LUM: variants seen among roughly 807,000 people sequenced by gnomAD.
LUM encodes lumican.
Under a neutral mutation model 20.5 loss-of-function variants are expected in LUM, and 13 were observed. The observed-to-expected ratio is 0.63, with a 90% CI of 0.41 to 1.01. LUM has a LOEUF of 1.01. Among genes scored for constraint, LUM ranks in the 50% least tolerant of loss-of-function variants. The pLI is 0.00. For synonymous variants in LUM, 173 were observed against 151.5 expected, an observed-to-expected ratio of 1.14 and a Z score of -1.04; for missense variants, 321 against 391.1, an observed-to-expected ratio of 0.82 and a Z score of 1.51.
At chr12:91,105,300 C>A (rs912866221) in intron 2 of LUM, among the ~76,000 whole-genome samples, 24 of 152,138 alleles carry the variant, frequency 1.6e-4, no homozygotes, top group African/African-American at 5.5e-4. Flanking sequence ...TTAGAAATAA[C>A]ACATCTATCT....
chr12:91,104,014 C>T lies in LUM; in HGVS notation c.*151G>A. On this transcript the variant is annotated 3_prime_UTR_variant, in exon 3 of 3. Coordinates refer to ENST00000266718, the MANE Select transcript of LUM (RefSeq NM_002345.4). The stretch of plus-strand genomic sequence containing the variant: ...CTTGTGATGAAATAGGCCTGCCTTT[C>T]ATCTTTTCTTTAAAAAAAATAAATG... 1.6e-6 allele frequency: 1 copy of T among 630,368 alleles called. No individual in the cohort carries two copies. The highest frequency in any genetic ancestry group is 2.7e-6 in the Non-Finnish European group (1 of 374,962). 39.0% of individuals were successfully genotyped at this position (630,368 alleles called of 1,614,324 possible).
At chr12:91,107,698 G>T (rs1246152000) in intron 2 of LUM, among the ~76,000 whole-genome samples, 1 of 151,588 alleles carries the variant, frequency 6.6e-6, no homozygotes, top group Non-Finnish European at 1.5e-5. Flanking sequence ...TTTGTTTGAA[G>T]TAGAGGGATA....
intron 2 of LUM, among the ~76,000 whole-genome samples, chr12:91,104,945 C>A (rs1879998810): frequency 1.3e-5 from 2 of 152,156 alleles, no homozygotes; most frequent in African/African-American, 4.8e-5. Context: ...AAAGCTGCCA[C>A]AAATGAAACA....
rs1565758505 is a variant in LUM, at chr12:91,107,309, GAAA to G, written c.862+806_862+808del. 2.8e-3 allele frequency among the ~76,000 whole-genome samples: 320 copies of G among 113,476 alleles called. 3 individuals are homozygous for G. The highest frequency in any genetic ancestry group is 0.013 in the East Asian group (47 of 3,560). The allele number at this position is 113,476 out of a possible 152,430, so 74.4% of individuals were successfully genotyped here. A position where few individuals can be genotyped will look rare whatever the true frequency, so the allele number is the denominator to read the frequency against. On this transcript the variant is annotated intron_variant, in intron 2 of 2. Coordinates refer to ENST00000266718, the MANE Select transcript of LUM (RefSeq NM_002345.4). ...AAAGAGAAAGAAAGAAAGAAAGAAA[GAAA>G]GAAAGAAAGAAAGAAAGAAAGAAAG...
chr12:91,107,279 G>GA (rs1458600812), intron 2 of LUM, among the ~76,000 whole-genome samples: 1 of 97,670 alleles, frequency 1.0e-5, no homozygotes, highest in African/African-American at 4.8e-5. Flanking sequence ...AAGAAAGAAA[G>GA]AAAGAAAGAG....
rs903933261 is a variant in LUM, at chr12:91,103,064, T to C, written c.*1101A>G. 2 of 152,158 alleles carry C rather than the reference T, an allele frequency of 1.3e-5. No individual in the cohort carries two copies. The highest frequency in any genetic ancestry group is 2.9e-5 in the Non-Finnish European group (2 of 67,986). The allele number at this position is 152,158 out of a possible 1,614,324, so 9.4% of individuals were successfully genotyped here. On this transcript the variant is annotated 3_prime_UTR_variant, in exon 3 of 3. Transcript: ENST00000266718. Reference sequence around the variant, plus strand: ...GCAGAGTATTTATCATTGTATAGAATTGTATATACTCATAGAAAGCTGAAA... The same window carrying C: ...GCAGAGTATTTATCATTGTATAGAACTGTATATACTCATAGAAAGCTGAAA...
chr12:91,110,701 C>G (rs1159509430), intron 1 of LUM, among the ~76,000 whole-genome samples: 1 of 151,988 alleles, frequency 6.6e-6, no homozygotes, highest in Non-Finnish European at 1.5e-5. Context: ...AAAGTAAAAA[C>G]AAGGATGCTG....
At chr12:91,111,045 C>CTTTGCTCCAGTA (rs1880192881) in intron 1 of LUM, among the ~76,000 whole-genome samples, 2 of 152,120 alleles carry the variant, frequency 1.3e-5, no homozygotes, top group South Asian at 4.1e-4. Flanking sequence ...AATGACTTTT[C>CTTTGCTCCAGTA]TTTGCTCCAG....
intron 1 of LUM, among the ~76,000 whole-genome samples, chr12:91,110,498 T>C (rs1880180234): frequency 1.3e-5 from 2 of 152,160 alleles, no homozygotes; most frequent in South Asian, 4.1e-4. Flanking sequence ...AACTTGGCCA[T>C]AATAATAATT....
chr12:91,104,025 T>TTAAAAAAAAAAAAAA lies in LUM; in HGVS notation c.*139_*140insTTTTTTTTTTTTTTA. The TTAAAAAAAAAAAAAA allele has an allele frequency of 1.4e-6, 1 of 693,610 alleles. No individual in the cohort carries two copies. Among genetic ancestry groups the TTAAAAAAAAAAAAAA allele is most frequent in the East Asian group, 2.8e-5 (1 of 35,370 alleles). The allele number at this position is 693,610 out of a possible 1,614,324, so 43.0% of individuals were successfully genotyped here. On this transcript the variant is annotated 3_prime_UTR_variant, in exon 3 of 3. Coordinates refer to ENST00000266718, the MANE Select transcript of LUM (RefSeq NM_002345.4). ...ATAGGCCTGCCTTTCATCTTTTCTT[T>TTAAAAAAAAAAAAAA]AAAAAAAATAAATGTTTACAAAACA...
intron 1 of LUM, among the ~76,000 whole-genome samples, chr12:91,110,106 T>C (rs1168037219): frequency 6.6e-6 from 1 of 152,064 alleles, no homozygotes; most frequent in African/African-American, 2.4e-5. Flanking sequence ...TATGGGAAAA[T>C]TGGAATATAA....
chr12:91,107,421 A>G (rs2268578), intron 2 of LUM, among the ~76,000 whole-genome samples: 108,933 of 151,348 alleles, frequency 0.72, 42,752 homozygotes, highest in Non-Finnish European at 0.87. Context: ...CTTTGTGGCT[A>G]TGGAGTTTGC....
In LUM at chr12:91,102,851, G is replaced by T. The variant is rs1254602959; in HGVS notation, c.*1314C>A. 6.6e-6 allele frequency: 1 copy of T among 152,070 alleles called. No individual in the cohort carries two copies. Among genetic ancestry groups the T allele is most frequent in the Admixed American group, 6.6e-5 (1 of 15,248 alleles). The allele number at this position is 152,070 out of a possible 1,614,324, so 9.4% of individuals were successfully genotyped here. A position where few individuals can be genotyped will look rare whatever the true frequency, so the allele number is the denominator to read the frequency against. On this transcript the variant is annotated 3_prime_UTR_variant, in exon 3 of 3. Transcript: ENST00000266718. ...TGAAAGGCCGCTGTACCATAAGATA[G>T]AGTTCACTAAAAGTGGTGTGTTAAA...
Position 91,103,857 on chromosome 12 carries a change from A to G in LUM, c.*308T>C, listed in dbSNP as rs764710451. ...CTTTGAGGAACATTAAGATTTAAGG[A>G]TTATAAAACTTGGCTGATTTCCATG... On this transcript the variant is annotated 3_prime_UTR_variant, in exon 3 of 3. Transcript: ENST00000266718. 3.0e-5 allele frequency: 7 copies of G among 232,228 alleles called. No individual in the cohort carries two copies. The highest frequency in any genetic ancestry group is 6.3e-5 in the South Asian group (1 of 15,890). 14.4% of individuals were successfully genotyped at this position (232,228 alleles called of 1,614,324 possible). A position where few individuals can be genotyped will look rare whatever the true frequency, so the allele number is the denominator to read the frequency against.
chr12:91,105,828 T>C (rs1880017926), intron 2 of LUM, among the ~76,000 whole-genome samples: 1 of 152,234 alleles, frequency 6.6e-6, no homozygotes, highest in African/African-American at 2.4e-5. Flanking sequence ...TGCCTACTTC[T>C]GTATCCTTCT....
Position 91,111,445 on chromosome 12 carries a change from A to G in LUM, c.-69T>C, listed in dbSNP as rs1005710997. ...CGTTAATTCTTAAAGCAGATGCACT[A>G]TGGACAAGAATCCACCAATATATGC... On this transcript the variant is annotated 5_prime_UTR_variant, in exon 1 of 3. Transcript: ENST00000266718. 3.3e-5 allele frequency: 5 copies of G among 150,724 alleles called. No homozygotes were observed. Among genetic ancestry groups the G allele is most frequent in the African/African-American group, 1.2e-4 (5 of 41,034 alleles). The allele number at this position is 150,724 out of a possible 1,614,324, so 9.3% of individuals were successfully genotyped here.
In LUM at chr12:91,103,876, T is replaced by C. The variant is rs1359294773; in HGVS notation, c.*289A>G. Reference sequence around the variant, plus strand: ...TTAAGGATTATAAAACTTGGCTGATTTCCATGCAACCAGTAAAAGGTTTTG... The same window carrying C: ...TTAAGGATTATAAAACTTGGCTGATCTCCATGCAACCAGTAAAAGGTTTTG... On this transcript the variant is annotated 3_prime_UTR_variant, in exon 3 of 3. Coordinates refer to ENST00000266718, the MANE Select transcript of LUM (RefSeq NM_002345.4). 4 of 245,308 alleles carry C rather than the reference T, an allele frequency of 1.6e-5. No homozygotes were observed. The highest frequency in any genetic ancestry group is 1.6e-5 in the Non-Finnish European group (2 of 126,590). 15.2% of individuals were successfully genotyped at this position (245,308 alleles called of 1,614,324 possible). A position where few individuals can be genotyped will look rare whatever the true frequency, so the allele number is the denominator to read the frequency against.
chr12:91,107,287 G>GAAAGAAAGAA (rs1426004605), intron 2 of LUM, among the ~76,000 whole-genome samples: 43 of 61,240 alleles, frequency 7.0e-4, no homozygotes, highest in African/African-American at 1.0e-3. Context: ...AAGAAAGAAA[G>GAAAGAAAGAA]AGAAAGAAAG....
At chr12:91,109,452 G>T (rs558497138) in intron 1 of LUM, among the ~76,000 whole-genome samples, 15 of 152,054 alleles carry the variant, frequency 9.9e-5, no homozygotes, top group Non-Finnish European at 1.9e-4. Flanking sequence ...AGATCCTTAC[G>T]GGAATATGGG....
Sources: gnomAD v4.1 joint callset for allele counts (sites outside exome capture counted in the v4.1 genomes callset) on GRCh38, gnomAD v4.1.1 for gene constraint, MANE v1.5 for transcripts, NCBI Gene and HGNC (gene_info 2026-07-23, HGNC 2026-07-21) for gene names.